The following PHLDB2 variants were observed in gnomAD, a reference collection of about 807,000 sequenced individuals.
PHLDB2 encodes the protein pleckstrin homology like domain family B member 2, also known as pleckstrin homology-like domain family B member 2.
PHLDB2 carries 71 observed loss-of-function variants against 123.6 expected under a neutral mutation model. That is an observed-to-expected ratio of 0.57 (90% CI 0.47 to 0.70). The LOEUF (loss-of-function observed/expected upper bound fraction) is 0.70. PHLDB2 is among the 30% of genes least tolerant of loss of function. The probability of loss-of-function intolerance (pLI) is 0.00; values close to 1 mark genes in which losing one functional copy is unlikely to be tolerated. For missense variants in PHLDB2, 1,446 were observed against 1,519.5 expected (o/e 0.95, Z 0.80); for synonymous variants, 547 against 541.6 (o/e 1.01, Z -0.14).
intron 1 of PHLDB2, among the ~76,000 whole-genome samples, chr3:111,875,546 G>C (rs1470884561): frequency 6.6e-6 from 1 of 151,350 alleles, no homozygotes; most frequent in Admixed American, 6.6e-5. Flanking sequence ...TAATTGGCAA[G>C]ACACAGTGGC....
chr3:111,944,242 T>C (rs1408229968), intron 8 of PHLDB2, among the ~76,000 whole-genome samples: 2 of 152,260 alleles, frequency 1.3e-5, no homozygotes, highest in East Asian at 3.9e-4. Flanking sequence ...AGGGTGGAAG[T>C]TGACAGGTAG....
rs551480570 is a variant in PHLDB2, at chr3:111,874,948, A to G, written c.-14-9116A>G. 3.9e-5 allele frequency among the ~76,000 whole-genome samples: 6 copies of G among 152,304 alleles called. No homozygotes were observed. The East Asian group carries it at 1.2e-3, about 29-fold the overall frequency. On this transcript the variant is annotated intron_variant, in intron 1 of 17. Transcript: ENST00000431670. Reference sequence around the variant, plus strand: ...CAAGAATATTAATATTATCTAAGCTATTATTCAGCAAACATCTAGAGACTT... The same window carrying G: ...CAAGAATATTAATATTATCTAAGCTGTTATTCAGCAAACATCTAGAGACTT...
intron 2 of PHLDB2, among the ~76,000 whole-genome samples, chr3:111,887,069 C>G (rs1477967616): frequency 1.3e-5 from 2 of 152,108 alleles, no homozygotes; most frequent in Non-Finnish European, 2.9e-5. Context: ...CTCTTCTGTT[C>G]CAAGGATAGG....
At chr3:111,858,773 TG>T (rs2064635673), upstream of PHLDB2, among the ~76,000 whole-genome samples, 1 of 152,146 alleles carries the variant, frequency 6.6e-6, no homozygotes, top group African/African-American at 2.4e-5. Flanking sequence ...TCTTCTTTGC[TG>T]GTGTGAGATT....
chr3:111,804,243 G>A (rs993989090), intron 1 of PHLDB2, among the ~76,000 whole-genome samples: 2 of 152,056 alleles, frequency 1.3e-5, no homozygotes, highest in Non-Finnish European at 2.9e-5. Context: ...TTCCTATTGA[G>A]AACACATGGT....
chr3:111,880,150 CAAT>C (rs1419271235), intron 1 of PHLDB2, among the ~76,000 whole-genome samples: 5 of 152,030 alleles, frequency 3.3e-5, no homozygotes, highest in African/African-American at 9.7e-5. Flanking sequence ...TTTTCTATAA[CAAT>C]GATGGTGTTG....
At chr3:111,934,612 C>CATG (rs1054210254) in intron 6 of PHLDB2, among the ~76,000 whole-genome samples, 17 of 152,170 alleles carry the variant, frequency 1.1e-4, no homozygotes, top group African/African-American at 4.1e-4. Context: ...TACCTTTAAA[C>CATG]ATGATGTTAG....
chr3:111,838,392 C>G (rs1169462523), intron 1 of PHLDB2, among the ~76,000 whole-genome samples: 2 of 152,148 alleles, frequency 1.3e-5, no homozygotes, highest in East Asian at 3.8e-4. Context: ...CCCTCTTTCC[C>G]TTTCCAAACT....
intron 1 of PHLDB2, among the ~76,000 whole-genome samples, chr3:111,883,323 AGTT>A (rs559505241): frequency 8.0e-4 from 122 of 152,278 alleles, no homozygotes; most frequent in Middle Eastern, 3.4e-3. Context: ...AGGTCCTGAT[AGTT>A]GTTTCTGCTA....
intron 16 of PHLDB2, among the ~76,000 whole-genome samples, chr3:111,973,330 T>TA (rs1338144191): frequency 6.6e-6 from 1 of 152,064 alleles, no homozygotes; most frequent in Non-Finnish European, 1.5e-5. Flanking sequence ...AAACACTTTG[T>TA]AAAAATTTTA....
chr3:111,755,716 C>A (rs1363316306), intron 1 of PHLDB2, among the ~76,000 whole-genome samples: 12 of 121,376 alleles, frequency 9.9e-5, no homozygotes, highest in Admixed American at 1.6e-4. Context: ...TTTGCTCTTG[C>A]TTTTCTAGTT....
chr3:111,896,413 C>G (rs2066874820), intron 2 of PHLDB2, among the ~76,000 whole-genome samples: 2 of 151,246 alleles, frequency 1.3e-5, no homozygotes, highest in Admixed American at 1.3e-4. Context: ...GGCGTGATCT[C>G]AGCTCACTGC....
At chr3:111,742,873 A>T (rs2059626986) in intron 1 of PHLDB2, among the ~76,000 whole-genome samples, 1 of 152,202 alleles carries the variant, frequency 6.6e-6, no homozygotes, top group Admixed American at 6.5e-5. Context: ...AACATGTTTG[A>T]CACCTTGCTA....
chr3:111,739,239 T>A lies in PHLDB2; in HGVS notation c.-49+6536T>A, dbSNP rs577311514. On this transcript the variant is annotated intron_variant, in intron 1 of 17. Coordinates refer to the PHLDB2 transcript ENST00000393923. ...GATCCCAGCTATGCCACCTTGAAGA[T>A]GTTATAAATTGGTGAGTCTGGGCAT... Among the ~76,000 whole-genome samples, 10 of 152,234 alleles carry A rather than the reference T, an allele frequency of 6.6e-5. No individual in the cohort carries two copies. The East Asian group carries it at 1.9e-3, about 29-fold the overall frequency.
rs547262415 is a variant in PHLDB2 at position 111,853,283 on chromosome 3, G to T, written c.67+7348G>T. On this transcript the variant is annotated intron_variant, in intron 2 of 17. Transcript: ENST00000393923. Reference sequence around the variant, plus strand: ...ACAAGGATACAAAGAGAAACAGTGGGTTACATAGTTTCCCTTAACAACAGT... The same window carrying T: ...ACAAGGATACAAAGAGAAACAGTGGTTTACATAGTTTCCCTTAACAACAGT... Among the ~76,000 whole-genome samples, 14 of 152,246 alleles carry T rather than the reference G, an allele frequency of 9.2e-5. No individual in the cohort carries two copies. In the South Asian group the frequency reaches 2.3e-3, roughly 25 times the overall value.
chr3:111,974,205 A>G lies in PHLDB2; in HGVS notation c.3622-218A>G, dbSNP rs544716821. 1.2e-4 allele frequency among the ~76,000 whole-genome samples: 18 copies of G among 152,346 alleles called. No homozygotes were observed. The South Asian group carries it at 3.7e-3, about 32-fold the overall frequency. On this transcript the variant is annotated intron_variant, in intron 17 of 17. Coordinates refer to ENST00000431670, the MANE Select transcript of PHLDB2 (RefSeq NM_001134438.2). ...CTAGAGCTTTACAAACTAGCTGCTG[A>G]AATAATTTATGAGTTCTGTCTGAGA...
chr3:111,772,643 C>G (rs1261310662), intron 1 of PHLDB2, among the ~76,000 whole-genome samples: 1 of 152,178 alleles, frequency 6.6e-6, no homozygotes, highest in Non-Finnish European at 1.5e-5. Context: ...TCTAAATTAT[C>G]TTTTTGGGTT....
chr3:111,898,386 T>TG (rs1400205708), intron 2 of PHLDB2, among the ~76,000 whole-genome samples: 1 of 152,136 alleles, frequency 6.6e-6, no homozygotes, highest in African/African-American at 2.4e-5. Flanking sequence ...TTTCACCATG[T>TG]TGGCCAGGCT....
intron 16 of PHLDB2, among the ~76,000 whole-genome samples, chr3:111,971,471 T>G (rs1392037293): frequency 6.6e-6 from 1 of 152,156 alleles, no homozygotes; most frequent in East Asian, 1.9e-4. Flanking sequence ...CTTCTTGGTA[T>G]ATGAAAAATT....
Sources: allele counts gnomAD v4.1 joint callset (sites outside exome capture counted in the v4.1 genomes callset), GRCh38; gene constraint gnomAD v4.1.1; transcripts MANE v1.5; gene names NCBI Gene and HGNC (gene_info 2026-07-23, HGNC 2026-07-21).